LSAMP: variants seen among roughly 807,000 people sequenced by gnomAD.
LSAMP encodes limbic system-associated membrane protein.
A neutral mutation model predicts 38.6 loss-of-function variants in LSAMP; 7 were observed. That is an observed-to-expected ratio of 0.18 (90% CI 0.10 to 0.34). The LOEUF (loss-of-function observed/expected upper bound fraction) is 0.34. Ranked by LOEUF, LSAMP falls within the 10% of genes least tolerant of loss-of-function variation. LSAMP has a pLI of 1.00. For missense variants in LSAMP, 313 were observed against 420.0 expected (o/e 0.75, Z 2.23); for synonymous variants, 154 against 166.8 (o/e 0.92, Z 0.59).
intron 1 of LSAMP, among the ~76,000 whole-genome samples, chr3:116,167,590 ATCCATTTATCTGTCCT>A (rs1710091163): frequency 6.6e-6 from 1 of 152,142 alleles, no homozygotes; most frequent in Non-Finnish European, 1.5e-5. Flanking sequence ...CCACGCTTCT[ATCCATTTATCTGTCCT>A]TCCATCCATC....
chr3:115,968,822 C>T (rs77550735), intron 3 of LSAMP, among the ~76,000 whole-genome samples: 3,701 of 152,274 alleles, frequency 0.024, 78 homozygotes, highest in Non-Finnish European at 0.038. Flanking sequence ...TATTTAGGAC[C>T]TCAGAGTGCC....
At chr3:116,054,321 C>T (rs1392498541) in intron 2 of LSAMP, among the ~76,000 whole-genome samples, 12 of 152,246 alleles carry the variant, frequency 7.9e-5, no homozygotes, top group East Asian at 1.9e-4. Flanking sequence ...CATCTCAAGT[C>T]GTTAATTTAA....
chr3:115,896,942 A>T (rs1936744171), intron 3 of LSAMP, among the ~76,000 whole-genome samples: 1 of 152,100 alleles, frequency 6.6e-6, no homozygotes, highest in African/African-American at 2.4e-5. Flanking sequence ...TTGGAAACAC[A>T]TTCTGAGCAA....
At chr3:116,134,083 G>A (rs565153061) in intron 1 of LSAMP, among the ~76,000 whole-genome samples, 1 of 152,048 alleles carries the variant, frequency 6.6e-6, no homozygotes, top group East Asian at 1.9e-4. Flanking sequence ...ATAAAAGACG[G>A]GGTCTCATTT....
intron 2 of LSAMP, among the ~76,000 whole-genome samples, chr3:116,075,751 G>A (rs954596976): frequency 1.3e-5 from 2 of 151,782 alleles, no homozygotes; most frequent in Non-Finnish European, 2.9e-5. Flanking sequence ...ATGTTGGCCA[G>A]GCTGGTCTCG....
chr3:116,169,473 C>G (rs573732709), intron 1 of LSAMP, among the ~76,000 whole-genome samples: 89 of 152,288 alleles, frequency 5.8e-4, no homozygotes, highest in African/African-American at 1.9e-3. Flanking sequence ...GCTTCCAGAG[C>G]CTGCTTCCCT....
intron 1 of LSAMP, among the ~76,000 whole-genome samples, chr3:116,264,231 A>T (rs889485599): frequency 1.3e-5 from 2 of 152,112 alleles, no homozygotes; most frequent in African/African-American, 4.8e-5. Context: ...CTAAAAATGT[A>T]CTCTTCTGAG....
At chr3:116,120,197 A>G (rs764245997) in intron 1 of LSAMP, among the ~76,000 whole-genome samples, 29 of 152,342 alleles carry the variant, frequency 1.9e-4, no homozygotes, top group Non-Finnish European at 3.8e-4. Flanking sequence ...ATATTATAAT[A>G]GAAGTAAAAG....
intron 3 of LSAMP, among the ~76,000 whole-genome samples, chr3:115,901,561 C>T (rs973529659): frequency 3.9e-5 from 6 of 152,160 alleles, no homozygotes; most frequent in Non-Finnish European, 8.8e-5. Context: ...ACAAAACCAG[C>T]GTATCTCCCT....
At chr3:116,043,440 A>C (rs1941217898) in intron 2 of LSAMP, among the ~76,000 whole-genome samples, 1 of 152,198 alleles carries the variant, frequency 6.6e-6, no homozygotes, top group African/African-American at 2.4e-5. Flanking sequence ...GGAAGGAATG[A>C]TGGCAGTATC....
At chr3:115,903,584 G>A (rs1936934629) in intron 3 of LSAMP, among the ~76,000 whole-genome samples, 1 of 152,198 alleles carries the variant, frequency 6.6e-6, no homozygotes, top group Non-Finnish European at 1.5e-5. Context: ...GGAGGATGGA[G>A]ATGTTTTATA....
In LSAMP at chr3:116,235,976, A is replaced by G. The variant is rs551229489; in HGVS notation, c.156-149420T>C. On this transcript the variant is annotated intron_variant, in intron 1 of 6. Coordinates refer to ENST00000490035, the MANE Select transcript of LSAMP (RefSeq NM_002338.5). ...CATATGTGAAAATACCAGCAGGGAC[A>G]TTACAGGTGCGGAATAAATTTATTT... Among the ~76,000 whole-genome samples the G allele has an allele frequency of 7.2e-5, 11 of 152,288 alleles. No individual in the cohort carries two copies. In the South Asian group the frequency reaches 1.9e-3, roughly 26 times the overall value.
intron 3 of LSAMP, among the ~76,000 whole-genome samples, chr3:115,930,711 C>T (rs956677917): frequency 8.5e-5 from 13 of 152,128 alleles, no homozygotes; most frequent in Non-Finnish European, 1.3e-4. Context: ...TAAAGCACTT[C>T]GTTAGTGGTC....
At position 115,812,446 on chromosome 3, in the gene LSAMP, T is replaced by G. The variant is rs377514647; in HGVS notation, c.920-2032A>C. On this transcript the variant is annotated intron_variant, in intron 6 of 6. Coordinates refer to ENST00000490035, the MANE Select transcript of LSAMP (RefSeq NM_002338.5). Reference sequence around the variant, plus strand: ...GCTTAAATTCAAGTGTCTTAAGTCATCTCAAGGCCTTTCCTAATCCACTTC... The same window carrying G: ...GCTTAAATTCAAGTGTCTTAAGTCAGCTCAAGGCCTTTCCTAATCCACTTC... Among the ~76,000 whole-genome samples, 5 of 152,304 alleles carry G rather than the reference T, an allele frequency of 3.3e-5. No individual in the cohort carries two copies. The South Asian group carries it at 6.2e-4, about 19-fold the overall frequency.
chr3:116,058,938 G>T (rs951343335), intron 2 of LSAMP, among the ~76,000 whole-genome samples: 29 of 147,982 alleles, frequency 2.0e-4, no homozygotes, highest in Admixed American at 2.0e-4. Flanking sequence ...TTGTTTGTTC[G>T]TTTTTTTTTT....
intron 2 of LSAMP, among the ~76,000 whole-genome samples, chr3:116,077,063 G>A (rs1707759891): frequency 1.3e-5 from 2 of 151,388 alleles, no homozygotes; most frequent in African/African-American, 2.4e-5. Context: ...ATATTTGTTA[G>A]TATTGTTAAT....
chr3:116,128,282 T>C (rs1239866748), intron 1 of LSAMP, among the ~76,000 whole-genome samples: 1 of 152,190 alleles, frequency 6.6e-6, no homozygotes, highest in Admixed American at 6.5e-5. Context: ...ACTTATCTAT[T>C]CCAAGAAAAC....
At chr3:116,422,992 GC>G (rs1289829417) in intron 1 of LSAMP, among the ~76,000 whole-genome samples, 2 of 152,104 alleles carry the variant, frequency 1.3e-5, no homozygotes, top group East Asian at 1.9e-4. Flanking sequence ...CAGAATGTAA[GC>G]CCCGTGAGAG....
chr3:116,368,246 T>C (rs2048382298), intron 1 of LSAMP: 1 of 152,170 alleles, frequency 6.6e-6, no homozygotes, highest in Non-Finnish European at 1.5e-5. Flanking sequence ...AAAACTAGGC[T>C]AATACACAAT....
Sources: allele counts gnomAD v4.1 joint callset (sites outside exome capture counted in the v4.1 genomes callset), GRCh38; gene constraint gnomAD v4.1.1; transcripts MANE v1.5; gene names NCBI Gene and HGNC (gene_info 2026-07-23, HGNC 2026-07-21).